CLASP1: variants seen among roughly 807,000 people sequenced by gnomAD.
CLASP1 encodes cytoplasmic linker associated protein 1.
In CLASP1, 38 loss-of-function variants were observed where a neutral mutation model predicts 192.3. The ratio of observed to expected loss-of-function variants is 0.20; its 90% CI spans 0.15 to 0.26. The LOEUF (loss-of-function observed/expected upper bound fraction) is 0.26, where lower values mean the gene tolerates loss of function less well. Among genes scored for constraint, CLASP1 ranks in the 10% least tolerant of loss-of-function variants. The pLI, the probability that CLASP1 is intolerant of heterozygous loss-of-function variation, is 1.00. For synonymous variants in CLASP1, 691 were observed against 712.8 expected (o/e 0.97, Z 0.49); for missense variants, 1,433 against 1,932.5 (o/e 0.74, Z 4.85).
rs546886329 is a variant in CLASP1 at position 121,428,566 on chromosome 2, T to C, written c.2018-1136A>G. Among the ~76,000 whole-genome samples, 6 of 152,304 alleles carry C rather than the reference T, an allele frequency of 3.9e-5. No individual in the cohort carries two copies. In the South Asian group the frequency reaches 1.2e-3, roughly 32 times the overall value. ...CAGAATAACCAGAGCCAAGAAGTTG[T>C]TCCCACGACAGACACTTCTGGGCTA... On this transcript the variant is annotated intron_variant, in intron 20 of 39. Coordinates refer to ENST00000263710, the Ensembl canonical transcript of CLASP1.
Position 121,488,178 on chromosome 2 carries a change from A to G in CLASP1, c.712+14989T>C, listed in dbSNP as rs115481000. 4.9e-3 allele frequency among the ~76,000 whole-genome samples: 747 copies of G among 152,342 alleles called. 9 individuals are homozygous for G. The highest frequency in any genetic ancestry group is 0.017 in the African/African-American group (724 of 41,568). On this transcript the variant is annotated intron_variant, in intron 8 of 39. Coordinates refer to ENST00000263710, the Ensembl canonical transcript of CLASP1. ...GTTTCTTTTTACAAGATCTTAGGAT[A>G]CATTTAATTCTGCATCTTGTTTTCT... is the stretch of plus-strand genomic sequence containing the variant.
chr2:121,510,291 A>G (rs1212137845), intron 7 of CLASP1, among the ~76,000 whole-genome samples: 1 of 152,224 alleles, frequency 6.6e-6, no homozygotes, highest in Non-Finnish European at 1.5e-5. Flanking sequence ...AAAAACTGAC[A>G]AACCTTAACT....
At chr2:121,428,935 T>G (rs1411805628) in intron 20 of CLASP1, among the ~76,000 whole-genome samples, 2 of 152,066 alleles carry the variant, frequency 1.3e-5, no homozygotes, top group Non-Finnish European at 2.9e-5. Flanking sequence ...CTCACAAAGG[T>G]TAAAAGACTC....
intron 25 of CLASP1, among the ~76,000 whole-genome samples, chr2:121,405,367 T>C (rs1260208936): frequency 6.6e-6 from 1 of 152,202 alleles, no homozygotes; most frequent in African/African-American, 2.4e-5. Flanking sequence ...GTGATTTCCT[T>C]ATTGGTCAAA....
chr2:121,429,259 A>G (rs1341944805), intron 20 of CLASP1, among the ~76,000 whole-genome samples: 1 of 152,178 alleles, frequency 6.6e-6, no homozygotes, highest in Non-Finnish European at 1.5e-5. Context: ...TTGGGCCACA[A>G]AGGAGGCAGG....
chr2:121,575,186 A>G (rs1367604040), intron 2 of CLASP1, among the ~76,000 whole-genome samples: 1 of 151,664 alleles, frequency 6.6e-6, no homozygotes, highest in Non-Finnish European at 1.5e-5. Context: ...ATCTCGGCTC[A>G]CTGCAACCTC....
intron 21 of CLASP1, 25 bp downstream of exon 21, chr2:121,427,379 A>G: frequency 6.2e-7 from 1 of 1,611,826 alleles, no homozygotes; most frequent in Non-Finnish European, 8.5e-7. Flanking sequence ...AACAACAAAA[A>G]AAGGCAAGAA....
At chr2:121,456,351 G>GT (rs1491021027) in intron 14 of CLASP1, among the ~76,000 whole-genome samples, 1 of 149,324 alleles carries the variant, frequency 6.7e-6, no homozygotes, top group Non-Finnish European at 1.5e-5. Context: ...AAAAAAAAAA[G>GT]TAAAAAAAGA....
intron 34 of CLASP1, among the ~76,000 whole-genome samples, chr2:121,368,139 G>A (rs1424187631): frequency 2.0e-5 from 3 of 152,096 alleles, no homozygotes; most frequent in Non-Finnish European, 2.9e-5. Context: ...CCTTGAGAAG[G>A]AAAGGCTGTC....
chr2:121,447,353 C>T, exon 19 of CLASP1: 2 of 1,591,448 alleles, frequency 1.3e-6, no homozygotes, highest in Non-Finnish European at 1.7e-6. Flanking sequence ...ATGCGTATGA[C>T]CCTGGAGGCA....
chr2:121,413,524 G>A (rs976338634), intron 23 of CLASP1, among the ~76,000 whole-genome samples: 1 of 152,190 alleles, frequency 6.6e-6, no homozygotes, highest in African/African-American at 2.4e-5. Context: ...AGTGGATGTT[G>A]AGTATTGCTA....
chr2:121,528,877 T>C (rs1293647602), intron 3 of CLASP1, 97 bp from the exon 4 acceptor site: 3 of 873,190 alleles, frequency 3.4e-6, no homozygotes, highest in Non-Finnish European at 5.8e-6. Context: ...GACAAACCCC[T>C]GACCTAAATG....
At chr2:121,508,187 C>T (rs1265564839) in intron 7 of CLASP1, among the ~76,000 whole-genome samples, 1 of 151,992 alleles carries the variant, frequency 6.6e-6, no homozygotes, top group African/African-American at 2.4e-5. Context: ...ACTATATGCA[C>T]TGGTGGGCTT....
At chr2:121,459,154 T>G (rs534532397) in intron 12 of CLASP1, among the ~76,000 whole-genome samples, 179 bp from the exon 13 acceptor site, 16 of 151,576 alleles carry the variant, frequency 1.1e-4, no homozygotes, top group African/African-American at 2.4e-4. Context: ...TTTTGTTGTT[T>G]TTTTTTTTAA....
At chr2:121,394,425 C>T (rs1022680664) in intron 30 of CLASP1, among the ~76,000 whole-genome samples, 1 of 152,196 alleles carries the variant, frequency 6.6e-6, no homozygotes, top group Non-Finnish European at 1.5e-5. Flanking sequence ...CCTTCAATGT[C>T]ATCCACTGCC....
chr2:121,611,045 T>A (rs1177354665), intron 1 of CLASP1, among the ~76,000 whole-genome samples: 1 of 105,790 alleles, frequency 9.5e-6, no homozygotes, highest in Non-Finnish European at 1.9e-5. Flanking sequence ...GAGGACGAGT[T>A]GGAGGAGTTA....
chr2:121,515,616 G>A (rs1283660500), intron 7 of CLASP1, 49 bp downstream of exon 7: 1 of 1,384,772 alleles, frequency 7.2e-7, no homozygotes, highest in South Asian at 1.2e-5. Context: ...GAAAACAAAG[G>A]GGGCGGGGGG....
intron 34 of CLASP1, among the ~76,000 whole-genome samples, chr2:121,374,526 C>A (rs551714247): frequency 2.0e-4 from 30 of 152,316 alleles, no homozygotes; most frequent in Admixed American, 9.1e-4. Flanking sequence ...GTAGATCCAC[C>A]AACAGCTTGC....
At chr2:121,575,878 GAGA>G (rs965766972) in intron 2 of CLASP1, among the ~76,000 whole-genome samples, 1 of 152,208 alleles carries the variant, frequency 6.6e-6, no homozygotes, top group Non-Finnish European at 1.5e-5. Context: ...ATGAGCTATA[GAGA>G]AGGAGACACA....
Sources: gnomAD v4.1 joint callset for allele counts (sites outside exome capture counted in the v4.1 genomes callset) on GRCh38, gnomAD v4.1.1 for gene constraint, MANE v1.5 for transcripts, NCBI Gene and HGNC (gene_info 2026-07-23, HGNC 2026-07-21) for gene names.